WWOX: variants seen among roughly 807,000 people sequenced by gnomAD.
WWOX encodes the protein WW domain containing oxidoreductase.
Under a neutral mutation model 46.2 loss-of-function variants are expected in WWOX, and 69 were observed. The ratio of observed to expected loss-of-function variants is 1.49; its 90% CI spans 1.23 to 1.82. The LOEUF is 1.82. Ranked by LOEUF, WWOX falls within the 40% of genes most tolerant of loss-of-function variation. WWOX has a pLI of 0.00. For synonymous variants in WWOX, 359 were observed against 202.6 expected (o/e 1.77, Z -6.56); for missense variants, 919 against 542.6 (o/e 1.69, Z -6.89).
At chr16:78,951,337 A>G (rs2046055381) in intron 8 of WWOX, among the ~76,000 whole-genome samples, 1 of 4,338 alleles carries the variant, frequency 2.3e-4, no homozygotes, top group South Asian at 0.25. Flanking sequence ...CTCCTTTCCT[A>G]TAGCTTCAAG....
chr16:79,118,483 A>G (rs1002661961), intron 8 of WWOX, among the ~76,000 whole-genome samples: 4 of 152,200 alleles, frequency 2.6e-5, no homozygotes, highest in African/African-American at 9.7e-5. Context: ...TGAAGTGAGC[A>G]GGTACCATTG....
At chr16:78,810,826 C>G (rs764307622) in intron 8 of WWOX, among the ~76,000 whole-genome samples, 7 of 152,132 alleles carry the variant, frequency 4.6e-5, no homozygotes, top group Non-Finnish European at 2.9e-5. Context: ...CTAAAAAAGA[C>G]AAATGACAGC....
chr16:79,069,397 C>G (rs540777386), intron 8 of WWOX, among the ~76,000 whole-genome samples: 1 of 152,174 alleles, frequency 6.6e-6, no homozygotes, highest in African/African-American at 2.4e-5. Flanking sequence ...CATTGACAGA[C>G]AGGACCTTTT....
At chr16:78,705,912 ATC>A (rs1435380316) in intron 8 of WWOX, among the ~76,000 whole-genome samples, 6 of 152,210 alleles carry the variant, frequency 3.9e-5, no homozygotes, top group African/African-American at 1.4e-4. Context: ...AGATATAAGC[ATC>A]TGTTTATTTA....
At chr16:78,247,381 C>T (rs1312726364) in intron 5 of WWOX, among the ~76,000 whole-genome samples, 2 of 152,148 alleles carry the variant, frequency 1.3e-5, no homozygotes, top group African/African-American at 4.8e-5. Flanking sequence ...GTTCTCATTG[C>T]TGCTGCCCAC....
chr16:78,871,116 G>A (rs999449072), intron 8 of WWOX, among the ~76,000 whole-genome samples: 1 of 150,624 alleles, frequency 6.6e-6, no homozygotes, highest in Admixed American at 6.6e-5. Flanking sequence ...AATATCAAAT[G>A]AATGAACAAA....
chr16:78,867,176 A>G (rs561191134), intron 8 of WWOX, among the ~76,000 whole-genome samples: 2 of 152,288 alleles, frequency 1.3e-5, no homozygotes, highest in South Asian at 2.1e-4. Context: ...TGAGACAGAC[A>G]AAACTGCAAC....
At chr16:78,400,673 G>A (rs1056742323) in intron 6 of WWOX, among the ~76,000 whole-genome samples, 2 of 152,178 alleles carry the variant, frequency 1.3e-5, no homozygotes, top group African/African-American at 2.4e-5. Context: ...AAGGGAACAG[G>A]GAAGGGAGGA....
At chr16:78,510,832 C>T (rs1449912824) in intron 8 of WWOX, among the ~76,000 whole-genome samples, 1 of 152,218 alleles carries the variant, frequency 6.6e-6, no homozygotes, top group Non-Finnish European at 1.5e-5. Context: ...CTTCCATCAG[C>T]TGCTAACTTT....
intron 8 of WWOX, chr16:78,890,577 C>T (rs550333818): frequency 6.6e-6 from 1 of 152,330 alleles, no homozygotes; most frequent in South Asian, 2.1e-4. Context: ...TAGTTGCTCT[C>T]TTTTTGCCAG....
intron 5 of WWOX, among the ~76,000 whole-genome samples, chr16:78,357,591 A>C (rs1319616556): frequency 6.6e-6 from 1 of 152,190 alleles, no homozygotes; most frequent in Non-Finnish European, 1.5e-5. Flanking sequence ...TTTGTGGGCT[A>C]TTCTATGCTA....
intron 8 of WWOX, among the ~76,000 whole-genome samples, chr16:78,645,575 A>T (rs1192859167): frequency 3.3e-5 from 5 of 152,178 alleles, no homozygotes; most frequent in African/African-American, 9.6e-5. Flanking sequence ...AAGGGGAGCC[A>T]GCATGTTCAG....
rs59070837 is a variant in WWOX, at chr16:78,367,413, ATT to A, written c.517-19439_517-19438del. Among the ~76,000 whole-genome samples the A allele has an allele frequency of 2.0e-3, 306 of 151,932 alleles. 1 individual carries two copies. The highest frequency in any genetic ancestry group is 7.0e-3 in the African/African-American group (290 of 41,422). ...AAAACATGATGAGATATTTTTTGCC[ATT>A]TTTTTTTCAACTCATCAGCTATCAT... On this transcript the variant is annotated intron_variant, in intron 5 of 8. Transcript: ENST00000566780.
Position 78,248,362 on chromosome 16 carries a change from G to A in WWOX, c.516+84073G>A, listed in dbSNP as rs184520454. Among the ~76,000 whole-genome samples the A allele has an allele frequency of 5.5e-3, 843 of 152,256 alleles. 4 individuals carry two copies. The highest frequency in any genetic ancestry group is 0.019 in the African/African-American group (798 of 41,546). On this transcript the variant is annotated intron_variant, in intron 5 of 8. Transcript: ENST00000566780. ...AGAGCCAACTCACCACACAGCATACGTGCTAAACCATGCATGAGAAATCTG... is the reference window on the plus strand; with the variant it reads ...AGAGCCAACTCACCACACAGCATACATGCTAAACCATGCATGAGAAATCTG...
intron 8 of WWOX, among the ~76,000 whole-genome samples, chr16:78,441,279 C>A (rs957879989): frequency 7.9e-5 from 12 of 152,162 alleles, no homozygotes; most frequent in African/African-American, 2.9e-4. Flanking sequence ...TTTTTGCCTT[C>A]ACACTACTGT....
At chr16:78,239,736 T>C (rs2151817437) in intron 5 of WWOX, among the ~76,000 whole-genome samples, 1 of 152,206 alleles carries the variant, frequency 6.6e-6, no homozygotes, top group Admixed American at 6.5e-5. Context: ...GGGTTTCACT[T>C]GTTGGCCAGG....
intron 8 of WWOX, among the ~76,000 whole-genome samples, chr16:79,185,580 T>C (rs1008719817): frequency 3.9e-5 from 6 of 152,150 alleles, no homozygotes; most frequent in Non-Finnish European, 5.9e-5. Flanking sequence ...ACAGATCTCA[T>C]GTCAAAGACA....
chr16:78,891,058 C>T (rs1290362614), intron 8 of WWOX: 1 of 152,106 alleles, frequency 6.6e-6, no homozygotes, highest in African/African-American at 2.4e-5. Context: ...TAGTCTGTTT[C>T]ATAGTGAATA....
intron 8 of WWOX, among the ~76,000 whole-genome samples, chr16:79,047,819 C>A (rs894787337): frequency 1.3e-5 from 2 of 151,286 alleles, no homozygotes; most frequent in African/African-American, 2.4e-5. Context: ...AGGACCATGA[C>A]GTGAGCAGAT....
Sources: gnomAD v4.1 joint callset for allele counts (sites outside exome capture counted in the v4.1 genomes callset) on GRCh38, gnomAD v4.1.1 for gene constraint, MANE v1.5 for transcripts, NCBI Gene and HGNC (gene_info 2026-07-23, HGNC 2026-07-21) for gene names.